The following PTP4A3 variants were observed in gnomAD, a reference collection of about 807,000 sequenced individuals.
The protein encoded by PTP4A3 is protein tyrosine phosphatase 4A3.
A neutral mutation model predicts 15.2 loss-of-function variants in PTP4A3; 9 were observed. The observed-to-expected ratio is 0.59, with a 90% CI of 0.36 to 1.03. PTP4A3 has a LOEUF of 1.03. PTP4A3 is among the 50% of genes least tolerant of loss of function. PTP4A3 has a pLI of 0.02. For missense variants in PTP4A3, 234 were observed against 252.1 expected (o/e 0.93, Z 0.49); for synonymous variants, 95 against 102.0 (o/e 0.93, Z 0.41).
chr8:141,407,626 G>A (rs1275220534), intron 1 of PTP4A3, among the ~76,000 whole-genome samples: 1 of 150,130 alleles, frequency 6.7e-6, no homozygotes, highest in African/African-American at 2.5e-5. Flanking sequence ...GAGTGCAGTG[G>A]TGGGATCTTG....
intron 1 of PTP4A3, among the ~76,000 whole-genome samples, chr8:141,396,845 C>T (rs1040419243): frequency 4.6e-5 from 7 of 152,120 alleles, no homozygotes; most frequent in South Asian, 2.1e-4. Context: ...AGCTGACGTG[C>T]GGGTCCTGAG....
intron 1 of PTP4A3, among the ~76,000 whole-genome samples, chr8:141,395,811 G>C (rs4961379): frequency 7.0e-6 from 1 of 143,404 alleles, no homozygotes; most frequent in African/African-American, 2.7e-5. Flanking sequence ...GCATCTTCCC[G>C]GGATGTAGGG....
intron 1 of PTP4A3, among the ~76,000 whole-genome samples, chr8:141,400,986 G>A (rs750136992): frequency 6.6e-6 from 1 of 152,100 alleles, no homozygotes; most frequent in Non-Finnish European, 1.5e-5. Context: ...AGTCATGCAC[G>A]AGGCACCAGG....
Position 141,426,983 on chromosome 8 carries a change from G to A in PTP4A3, c.243G>A (p.Val81=). Residue 81 remains valine (V), a synonymous_variant, in exon 4 of 6, where the codon GTG becomes GTA. Transcript: ENST00000521578. ...DDGAPPPGKV[V]EDWLSLVKAK... Reference sequence around the variant, plus strand: ...GGGCGCCCCCGCCCGGCAAGGTAGTGGAAGACTGGCTGAGCCTGGTGAAGG... The same window carrying A: ...GGGCGCCCCCGCCCGGCAAGGTAGTAGAAGACTGGCTGAGCCTGGTGAAGG... The A allele has an allele frequency of 6.2e-7, 1 of 1,609,220 alleles. No homozygotes were observed. The highest frequency in any genetic ancestry group is 8.5e-7 in the Non-Finnish European group (1 of 1,179,878).
At position 141,426,923 on chromosome 8, in the gene PTP4A3, C is replaced by A; in HGVS notation, c.199-16C>A. On this transcript the variant is annotated splice_polypyrimidine_tract_variant and intron_variant, in intron 3 of 5. Transcript: ENST00000521578. ...CTCCCTCAGCCGGGGGTCCTCATGTCTGCTTCCCTCCGTAGGACTGGCCGT... is the reference window on the plus strand; with the variant it reads ...CTCCCTCAGCCGGGGGTCCTCATGTATGCTTCCCTCCGTAGGACTGGCCGT... 1 of 1,610,048 alleles carries A rather than the reference C, an allele frequency of 6.2e-7. No individual in the cohort carries two copies. The highest frequency in any genetic ancestry group is 8.5e-7 in the Non-Finnish European group (1 of 1,179,050).
intron 5 of PTP4A3, 126 bp from the exon 6 acceptor site, chr8:141,430,801 A>G (rs1833835110): frequency 1.2e-6 from 1 of 825,202 alleles, no homozygotes; most frequent in Non-Finnish European, 2.0e-6. Context: ...CTGGGACAGG[A>G]GGGGCTTGGC....
chr8:141,414,880 C>T (rs1051000508), intron 1 of PTP4A3, among the ~76,000 whole-genome samples: 3 of 152,100 alleles, frequency 2.0e-5, no homozygotes, highest in East Asian at 3.9e-4. Flanking sequence ...CCTAGGGCAG[C>T]ATCCTGATGG....
intron 1 of PTP4A3, among the ~76,000 whole-genome samples, chr8:141,414,148 G>A (rs1390930888): frequency 6.6e-6 from 1 of 152,214 alleles, no homozygotes; most frequent in Non-Finnish European, 1.5e-5. Flanking sequence ...TTCCCATTGG[G>A]CGGTTTCCAC....
In PTP4A3 at chr8:141,427,058, G is replaced by T; in HGVS notation, c.318G>T (p.Ala106=). 1 of 1,598,834 alleles carries T rather than the reference G, an allele frequency of 6.3e-7. No individual in the cohort carries two copies. Residue 106 remains alanine, a synonymous_variant, in exon 4 of 6, where the codon GCG becomes GCT. Transcript: ENST00000521578. The part of the protein sequence containing the change: ...PGSCVAVHCV[A]GLGRAPVLVA... Reference sequence around the variant, plus strand: ...GCTGCGTGGCTGTGCACTGCGTGGCGGGCCTGGGCCGGTGAGTGTCGGGGC... The same window carrying T: ...GCTGCGTGGCTGTGCACTGCGTGGCTGGCCTGGGCCGGTGAGTGTCGGGGC...
intron 1 of PTP4A3, among the ~76,000 whole-genome samples, chr8:141,393,372 C>A (rs1271118827): frequency 1.3e-5 from 2 of 152,232 alleles, no homozygotes; most frequent in Non-Finnish European, 2.9e-5. Context: ...GCCGGCCCCC[C>A]TCACTGTGGT....
At chr8:141,404,172 C>T (rs1276093588) in intron 1 of PTP4A3, among the ~76,000 whole-genome samples, 1 of 152,282 alleles carries the variant, frequency 6.6e-6, no homozygotes, top group African/African-American at 2.4e-5. Flanking sequence ...AGCTCGTGCA[C>T]ATGCCACGCA....
chr8:141,417,360 G>T (rs562112817), intron 1 of PTP4A3, among the ~76,000 whole-genome samples: 1 of 152,212 alleles, frequency 6.6e-6, no homozygotes, highest in South Asian at 2.1e-4. Flanking sequence ...CTGGCACGGT[G>T]GGTGCTGAGT....
chr8:141,430,357 C>T (rs371003243), intron 5 of PTP4A3, among the ~76,000 whole-genome samples: 14 of 105,360 alleles, frequency 1.3e-4, no homozygotes, highest in Admixed American at 2.1e-4. Flanking sequence ...TGTAAGGACC[C>T]GGTGGCGGGG....
intron 1 of PTP4A3, among the ~76,000 whole-genome samples, 157 bp from the exon 2 acceptor site, chr8:141,421,231 A>T (rs539696533): frequency 6.6e-6 from 1 of 152,342 alleles, no homozygotes; most frequent in South Asian, 2.1e-4. Flanking sequence ...ATATAAGGAA[A>T]TAGACCCAAA....
intron 5 of PTP4A3, 84 bp from the exon 6 acceptor site, chr8:141,430,843 C>T (rs1446744076): frequency 1.5e-6 from 2 of 1,368,218 alleles, no homozygotes; most frequent in East Asian, 2.3e-5. Context: ...GCCCACTGCA[C>T]TCTCAGATTC....
chr8:141,417,965 C>G (rs531950681), intron 1 of PTP4A3, among the ~76,000 whole-genome samples: 1 of 151,952 alleles, frequency 6.6e-6, no homozygotes, highest in Non-Finnish European at 1.5e-5. Context: ...GGGCCAGCAC[C>G]GTGGGCACCG....
rs749104642 is a variant in PTP4A3, at chr8:141,427,767, C to T, written c.347C>T (p.Ala116Val). ...GCCCCCAGGGCTCCAGTCCTTGTGG[C>T]GCTGGCCCTTATTGAGAGCGGGATG... ...AGLGRAPVLV[A>V]LALIESGMKY... The change falls in exon 5 of 6, where the codon GCG (alanine) becomes GTG (valine). Residue 116 changes from alanine (A) to valine (V), a missense_variant. Coordinates refer to ENST00000521578, the MANE Select transcript of PTP4A3 (RefSeq NM_032611.3). The T allele has an allele frequency of 3.5e-5, 54 of 1,551,230 alleles. No homozygotes were observed. Among genetic ancestry groups the T allele is most frequent in the Non-Finnish European group, 3.5e-5 (40 of 1,147,372 alleles).
intron 1 of PTP4A3, among the ~76,000 whole-genome samples, chr8:141,418,086 G>C (rs1833136458): frequency 6.6e-6 from 1 of 152,030 alleles, no homozygotes; most frequent in Non-Finnish European, 1.5e-5. Flanking sequence ...CGGGGAGGAG[G>C]TGGCGCCCTC....
intron 4 of PTP4A3, 147 bp downstream of exon 4, chr8:141,427,216 C>T (rs1833617942): frequency 5.9e-6 from 7 of 1,188,754 alleles, no homozygotes; most frequent in South Asian, 1.6e-5. Context: ...GGCTCCCAGA[C>T]TGGTCCTCTC....
Sources: allele counts gnomAD v4.1 joint callset (sites outside exome capture counted in the v4.1 genomes callset), GRCh38; gene constraint gnomAD v4.1.1; transcripts MANE v1.5; gene names NCBI Gene and HGNC (gene_info 2026-07-23, HGNC 2026-07-21).